The following BCAS3 variants were observed in gnomAD, a reference collection of about 807,000 sequenced individuals.
BCAS3 encodes the protein BCAS3 microtubule associated cell migration factor.
Under a neutral mutation model 116.1 loss-of-function variants are expected in BCAS3, and 53 were observed. The ratio of observed to expected loss-of-function variants is 0.46; its 90% CI spans 0.37 to 0.57. BCAS3 has a LOEUF of 0.57. Ranked by LOEUF, BCAS3 falls within the 20% of genes least tolerant of loss-of-function variation. The pLI is 0.00. For missense variants in BCAS3, 917 were observed against 1,165.4 expected, an observed-to-expected ratio of 0.79 and a Z score of 3.10; for synonymous variants, 391 against 408.2, an observed-to-expected ratio of 0.96 and a Z score of 0.51.
At chr17:60,870,359 AAAC>A (rs1408636891) in intron 8 of BCAS3, among the ~76,000 whole-genome samples, 8 of 152,188 alleles carry the variant, frequency 5.3e-5, no homozygotes, top group Non-Finnish European at 5.9e-5. Context: ...GGACATAAGT[AAAC>A]TATGGTTCAC....
rs73993705 is a variant in BCAS3 at position 61,168,840 on chromosome 17, C to G, written c.2425+84276C>G. 2.8e-3 allele frequency among the ~76,000 whole-genome samples: 428 copies of G among 152,308 alleles called. 4 individuals are homozygous for G. Among genetic ancestry groups the G allele is most frequent in the African/African-American group, 9.8e-3 (406 of 41,562 alleles). On this transcript the variant is annotated intron_variant, in intron 22 of 23. Transcript: ENST00000407086. The stretch of plus-strand genomic sequence containing the variant: ...GTTTTGGAATGACTTATGTTCACCT[C>G]AAATGTGTCCTAGAGTAACAGAAGG...
chr17:60,736,201 G>A (rs528692686), intron 5 of BCAS3, among the ~76,000 whole-genome samples: 4 of 152,022 alleles, frequency 2.6e-5, no homozygotes, highest in Non-Finnish European at 4.4e-5. Context: ...ACTGTGCCCA[G>A]CCTATAATTC....
rs965151091 is a variant in BCAS3, at chr17:61,167,740, T to C, written c.2425+83176T>C. ...CCAGACATTGGAGGAGAAACCCTGT[T>C]TATCAGGACTGGGGCTTCTTGTAGG... On this transcript the variant is annotated intron_variant, in intron 22 of 23. Coordinates refer to ENST00000407086, the MANE Select transcript of BCAS3 (RefSeq NM_017679.5). 5.2e-4 allele frequency among the ~76,000 whole-genome samples: 79 copies of C among 152,192 alleles called. 1 individual carries two copies. Among genetic ancestry groups the C allele is most frequent in the African/African-American group, 1.8e-3 (73 of 41,450 alleles).
chr17:60,855,207 C>A (rs535158635), intron 7 of BCAS3, among the ~76,000 whole-genome samples: 25 of 151,252 alleles, frequency 1.7e-4, no homozygotes, highest in African/African-American at 6.0e-4. Context: ...CTTGGCCTCC[C>A]AAAATGCTGG....
At chr17:60,730,693 G>T (rs2040375482) in intron 5 of BCAS3, among the ~76,000 whole-genome samples, 1 of 152,114 alleles carries the variant, frequency 6.6e-6, no homozygotes, top group Non-Finnish European at 1.5e-5. Flanking sequence ...AATTGTGGAG[G>T]CAGAGCTGTA....
At chr17:61,036,937 T>G (rs1478278757) in intron 17 of BCAS3, among the ~76,000 whole-genome samples, 1 of 152,206 alleles carries the variant, frequency 6.6e-6, no homozygotes, top group African/African-American at 2.4e-5. Flanking sequence ...AGCTTTAGGT[T>G]CACAGCCAAA....
At chr17:61,238,349 A>G (rs112258473) in intron 22 of BCAS3, among the ~76,000 whole-genome samples, 1 of 151,742 alleles carries the variant, frequency 6.6e-6, no homozygotes, top group African/African-American at 2.4e-5. Flanking sequence ...CAACCTCCTG[A>G]GTAGCTGGGA....
At chr17:60,974,325 A>G (rs975675017) in intron 14 of BCAS3, among the ~76,000 whole-genome samples, 2 of 152,150 alleles carry the variant, frequency 1.3e-5, no homozygotes, top group Non-Finnish European at 2.9e-5. Context: ...CTCTTGTTTC[A>G]TATGTACTTT....
In BCAS3 at chr17:61,282,306, G is replaced by A. The variant is rs4968548; in HGVS notation, c.2426-86021G>A. 0.81 allele frequency among the ~76,000 whole-genome samples: 123,211 copies of A among 152,188 alleles called. 49,959 individuals are homozygous for A. The highest frequency in any genetic ancestry group is 0.89 in the South Asian group (4,304 of 4,830). On this transcript the variant is annotated intron_variant, in intron 22 of 23. Coordinates refer to ENST00000407086, the MANE Select transcript of BCAS3 (RefSeq NM_017679.5). The surrounding 1 kb of genome is among the most constrained non-coding windows in gnomAD (Gnocchi z 5.9). The stretch of plus-strand genomic sequence containing the variant: ...ATTGCTTCTTTGGGAATACCTTACC[G>A]ATGAGAAGGCTTTCCTGAGCCTTGG...
intron 14 of BCAS3, chr17:60,987,051 TATA>T (rs2063183652): frequency 6.6e-6 from 1 of 152,124 alleles, no homozygotes; most frequent in African/African-American, 2.4e-5. Context: ...TCTGCATATG[TATA>T]TCCAGTTTTC....
At chr17:61,045,823 T>TCTCTCTCTCTCTCTCTCTCTC (rs2068003623) in intron 19 of BCAS3, among the ~76,000 whole-genome samples, 1 of 34,628 alleles carries the variant, frequency 2.9e-5, no homozygotes, top group Non-Finnish European at 4.2e-5. Context: ...TCATCTCTCT[T>TCTCTCTCTCTCTCTCTCTCTC]TCTCTCTCTC....
chr17:61,062,498 G>T (rs994822049), intron 19 of BCAS3, among the ~76,000 whole-genome samples: 2 of 152,120 alleles, frequency 1.3e-5, no homozygotes, highest in East Asian at 3.9e-4. Flanking sequence ...CTATCCTACT[G>T]TTGGTGATTT....
At chr17:60,987,155 G>A (rs188179694) in intron 14 of BCAS3, 33 of 151,716 alleles carry the variant, frequency 2.2e-4, no homozygotes, top group African/African-American at 7.7e-4. Flanking sequence ...ATGTAGATTT[G>A]TTTCTTGGTT....
In BCAS3 at chr17:60,995,910, G is replaced by A. The variant is rs2063807029; in HGVS notation, c.1486+5675G>A. ...TAGGGAGGATTGCAATTTGAAATTA[G>A]TATGCTTCCCATAGGCCTTGCTGAG... On this transcript the variant is annotated intron_variant, in intron 15 of 23. Coordinates refer to ENST00000407086, the MANE Select transcript of BCAS3 (RefSeq NM_017679.5). This position sits in a 1 kb window ranked among gnomAD's most constrained non-coding sequence, Gnocchi z 4.7. Among the ~76,000 whole-genome samples the A allele has an allele frequency of 6.6e-6, 1 of 152,272 alleles. No homozygotes were observed. Among genetic ancestry groups the A allele is most frequent in the Admixed American group, 6.5e-5 (1 of 15,294 alleles).
chr17:60,699,692 T>C (rs776771337), intron 4 of BCAS3, among the ~76,000 whole-genome samples: 1 of 152,160 alleles, frequency 6.6e-6, no homozygotes, highest in Non-Finnish European at 1.5e-5. Context: ...CATTTAATAA[T>C]TTTGATTTTT....
At chr17:61,123,079 C>T (rs1442036526) in intron 22 of BCAS3, among the ~76,000 whole-genome samples, 2 of 151,850 alleles carry the variant, frequency 1.3e-5, no homozygotes, top group African/African-American at 4.8e-5. Context: ...GTAGCTGGGA[C>T]TACAGGCGCC....
intron 7 of BCAS3, among the ~76,000 whole-genome samples, chr17:60,846,974 C>T (rs1265831770): frequency 2.0e-5 from 3 of 152,144 alleles, no homozygotes; most frequent in Admixed American, 6.6e-5. Context: ...AGTCCCTCCC[C>T]GTTTCCTCCT....
chr17:61,187,837 TTTC>T (rs1344049316), intron 22 of BCAS3, among the ~76,000 whole-genome samples: 107 of 152,250 alleles, frequency 7.0e-4, no homozygotes, highest in Non-Finnish European at 1.9e-4. Context: ...TCTTTCTTTC[TTTC>T]TTTCGTTTTA....
intron 5 of BCAS3, among the ~76,000 whole-genome samples, chr17:60,711,189 T>G (rs1014957814): frequency 1.3e-5 from 2 of 151,842 alleles, no homozygotes; most frequent in African/African-American, 2.4e-5. Flanking sequence ...TTTGCGGAGA[T>G]AGAAGAATCG....
Sources: gnomAD v4.1 joint callset for allele counts (sites outside exome capture counted in the v4.1 genomes callset) on GRCh38, gnomAD v4.1.1 for gene constraint, Gnocchi (gnomAD v3.1) non-coding constraint, MANE v1.5 for transcripts, NCBI Gene and HGNC (gene_info 2026-07-23, HGNC 2026-07-21) for gene names.